The following CHSY1 variants were observed in gnomAD, a reference collection of about 807,000 sequenced individuals.
CHSY1 encodes N-acetylgalactosaminyl-proteoglycan 3-beta-glucuronosyltransferase 1.
CHSY1 carries 13 observed loss-of-function variants against 59.8 expected under a neutral mutation model. That is an observed-to-expected ratio of 0.22 (90% CI 0.14 to 0.35). The LOEUF is 0.35. Ranked by LOEUF, CHSY1 falls within the 10% of genes least tolerant of loss-of-function variation. The pLI is 1.00. For synonymous variants in CHSY1, 459 were observed against 401.2 expected, an observed-to-expected ratio of 1.14 and a Z score of -1.72; for missense variants, 947 against 1,030.6, an observed-to-expected ratio of 0.92 and a Z score of 1.11.
intron 2 of CHSY1, among the ~76,000 whole-genome samples, chr15:101,205,717 T>C (rs963473082): frequency 1.2e-4 from 19 of 152,142 alleles, no homozygotes; most frequent in African/African-American, 4.3e-4. Context: ...TTTGGGAGGC[T>C]GAGGTGGGTG....
intron 2 of CHSY1, among the ~76,000 whole-genome samples, chr15:101,223,162 T>A (rs1282123499): frequency 6.6e-6 from 1 of 152,142 alleles, no homozygotes; most frequent in Non-Finnish European, 1.5e-5. Context: ...CCCGGCTAAT[T>A]TTTTGTATTT....
In CHSY1 at chr15:101,251,207, T is replaced by C. The variant is rs575842538; in HGVS notation, c.250A>G (p.Arg84Gly). ...GSDPDGGPRDRNFLFVGVMTA... is the reference protein window; with the variant it reads ...GSDPDGGPRDGNFLFVGVMTA... ...ATGACTCCCACGAAGAGAAAGTTCC[T>C]GTCGCGCGGGCCGCCATCTGGGTCC... The change falls in exon 1 of 3, where the codon AGG becomes GGG. Residue 84 changes from arginine to glycine, a missense_variant. Around this residue, in one of 4 missense-constraint regions of CHSY1, gnomAD observed 232 missense variants for 188.5 expected, o/e 1.23. Coordinates refer to ENST00000254190, the MANE Select transcript of CHSY1 (RefSeq NM_014918.5). 2.5e-6 allele frequency: 4 copies of C among 1,597,360 alleles called. No homozygotes were observed. In the African/African-American group the frequency reaches 4.0e-5, roughly 16 times the overall value.
chr15:101,217,608 G>A (rs900509399), intron 2 of CHSY1, among the ~76,000 whole-genome samples: 1 of 152,218 alleles, frequency 6.6e-6, no homozygotes, highest in African/African-American at 2.4e-5. Flanking sequence ...AGTGCAGAAG[G>A]AAGGGATGGA....
intron 1 of CHSY1, among the ~76,000 whole-genome samples, chr15:101,238,845 G>C (rs770234721): frequency 2.0e-5 from 3 of 152,140 alleles, no homozygotes; most frequent in African/African-American, 7.2e-5. Context: ...TGCTCCTGAA[G>C]AAAAAGGATG....
At chr15:101,222,354 T>C (rs1047286934) in intron 2 of CHSY1, among the ~76,000 whole-genome samples, 1 of 152,202 alleles carries the variant, frequency 6.6e-6, no homozygotes, top group South Asian at 2.1e-4. Context: ...TTCAAGACAA[T>C]TTTGGATTTA....
At chr15:101,209,305 A>G (rs763695817) in intron 2 of CHSY1, among the ~76,000 whole-genome samples, 3 of 152,236 alleles carry the variant, frequency 2.0e-5, no homozygotes, top group Non-Finnish European at 4.4e-5. Flanking sequence ...ACTGGTCTGT[A>G]AGCTCCAGAA....
At chr15:101,196,470 A>G (rs1453718338) in intron 2 of CHSY1, among the ~76,000 whole-genome samples, 2 of 152,156 alleles carry the variant, frequency 1.3e-5, no homozygotes, top group Non-Finnish European at 2.9e-5. Flanking sequence ...AGAGGTAAAA[A>G]GAAACATTAA....
At chr15:101,187,917 C>T (rs979232980) in intron 2 of CHSY1, 5 of 513,480 alleles carry the variant, frequency 9.7e-6, no homozygotes, top group South Asian at 1.7e-4. Flanking sequence ...ACCAAGGTCA[C>T]GCTATTCCCA....
intron 2 of CHSY1, among the ~76,000 whole-genome samples, chr15:101,191,641 C>A (rs2141247359): frequency 6.6e-6 from 1 of 152,262 alleles, no homozygotes; most frequent in African/African-American, 2.4e-5. Context: ...ACAAGGTGTC[C>A]ATATTGGGGG....
At chr15:101,197,027 T>A (rs912604648) in intron 2 of CHSY1, among the ~76,000 whole-genome samples, 1 of 152,222 alleles carries the variant, frequency 6.6e-6, no homozygotes, top group Non-Finnish European at 1.5e-5. Context: ...AGTATACATC[T>A]ATACAGATAC....
chr15:101,233,834 T>C (rs1567105571), intron 2 of CHSY1, among the ~76,000 whole-genome samples: 1 of 152,176 alleles, frequency 6.6e-6, no homozygotes, highest in African/African-American at 2.4e-5. Flanking sequence ...AAAGCAAGTC[T>C]AGGGGTGGAC....
At chr15:101,226,812 GTCTT>G (rs978390246) in intron 2 of CHSY1, among the ~76,000 whole-genome samples, 1 of 152,196 alleles carries the variant, frequency 6.6e-6, no homozygotes, top group Non-Finnish European at 1.5e-5. Flanking sequence ...TTGGTTGGAA[GTCTT>G]TCTAATTTTT....
chr15:101,184,727 G>T (rs1207412907), intron 2 of CHSY1, among the ~76,000 whole-genome samples: 1 of 152,130 alleles, frequency 6.6e-6, no homozygotes, highest in African/African-American at 2.4e-5. Context: ...CACATGCTTG[G>T]GGGAGGGAGC....
intron 2 of CHSY1, among the ~76,000 whole-genome samples, chr15:101,201,258 C>A (rs1482240605): frequency 2.0e-5 from 3 of 152,178 alleles, no homozygotes; most frequent in Non-Finnish European, 2.9e-5. Context: ...TGGCAAAAAT[C>A]CACTACATAA....
intron 2 of CHSY1, among the ~76,000 whole-genome samples, chr15:101,184,669 A>G (rs1158346843): frequency 1.3e-5 from 2 of 151,872 alleles, no homozygotes; most frequent in Non-Finnish European, 2.9e-5. Context: ...TTTTAATGAA[A>G]AAGAAATCTG....
At chr15:101,226,617 C>T (rs2124133) in intron 2 of CHSY1, among the ~76,000 whole-genome samples, 14,768 of 152,240 alleles carry the variant, frequency 0.097, 1,009 homozygotes, top group Middle Eastern at 0.17. Context: ...GGCCACTGTG[C>T]TATGTCCTAA....
intron 1 of CHSY1, among the ~76,000 whole-genome samples, chr15:101,243,623 G>C (rs1409389854): frequency 1.3e-5 from 2 of 152,168 alleles, no homozygotes; most frequent in Non-Finnish European, 2.9e-5. Flanking sequence ...TGCTAAGGCT[G>C]AACAAACAGT....
intron 2 of CHSY1, among the ~76,000 whole-genome samples, chr15:101,223,915 G>A (rs940746421): frequency 2.8e-4 from 42 of 152,386 alleles, no homozygotes; most frequent in African/African-American, 1.0e-3. Flanking sequence ...CTGTAACGAT[G>A]TCTCAGTCAA....
chr15:101,212,395 G>T (rs530018110), intron 2 of CHSY1, among the ~76,000 whole-genome samples: 1 of 152,174 alleles, frequency 6.6e-6, no homozygotes, highest in East Asian at 1.9e-4. Flanking sequence ...GTTCATAATA[G>T]TAAAAAAACT....
Sources: gnomAD v4.1 joint callset for allele counts (sites outside exome capture counted in the v4.1 genomes callset) on GRCh38, gnomAD v4.1.1 for gene constraint, gnomAD v4.1.1 regional missense constraint, MANE v1.5 for transcripts, NCBI Gene and HGNC (gene_info 2026-07-23, HGNC 2026-07-21) for gene names.